Variants in FRRS1 observed in about 807,000 individuals in gnomAD.
FRRS1 encodes ferric chelate reductase 1.
A neutral mutation model predicts 70.7 loss-of-function variants in FRRS1; 51 were observed. The ratio of observed to expected loss-of-function variants is 0.72; its 90% CI spans 0.58 to 0.91. The LOEUF is 0.91. Ranked by LOEUF, FRRS1 falls within the 40% of genes least tolerant of loss-of-function variation. The pLI, the probability that FRRS1 is intolerant of heterozygous loss-of-function variation, is 0.00. For missense variants in FRRS1, 672 were observed against 726.0 expected (o/e 0.93, Z 0.86); for synonymous variants, 225 against 238.7 (o/e 0.94, Z 0.53).
intron 1 of FRRS1, among the ~76,000 whole-genome samples, chr1:99,756,640 T>C (rs1357131782): frequency 6.6e-6 from 1 of 151,854 alleles, no homozygotes; most frequent in Admixed American, 6.6e-5. Context: ...GAAAAAGGAG[T>C]ATGTGTTAAC....
chr1:99,725,745 T>A (rs149348698), intron 9 of FRRS1, among the ~76,000 whole-genome samples: 106 of 152,316 alleles, frequency 7.0e-4, no homozygotes, highest in African/African-American at 2.4e-3. Context: ...GTGTTAGAAC[T>A]ATCACTTAAA....
intron 1 of FRRS1, among the ~76,000 whole-genome samples, chr1:99,759,743 G>A (rs1657026045): frequency 6.6e-6 from 1 of 152,124 alleles, no homozygotes; most frequent in Non-Finnish European, 1.5e-5. Context: ...GAAAAGAAAT[G>A]AACACTCAGT....
intron 1 of FRRS1, among the ~76,000 whole-genome samples, chr1:99,766,177 T>C (rs1657343767): frequency 1.3e-5 from 2 of 151,788 alleles, no homozygotes; most frequent in Admixed American, 6.6e-5. Context: ...AAGTTCTAGA[T>C]AAAAAGCCAC....
At chr1:99,727,049 C>T (rs1233872705) in intron 9 of FRRS1, among the ~76,000 whole-genome samples, 2 of 152,198 alleles carry the variant, frequency 1.3e-5, no homozygotes, top group African/African-American at 4.8e-5. Context: ...AATACACAGG[C>T]TCTAAAGGCC....
chr1:99,719,610 G>A lies in FRRS1; in HGVS notation c.1044C>T (p.Thr348=). ...AGTCTGTCACATCATATTTTTCATA[G>A]GTAATCAAAGGTTGCTGAGAGTGCT... is the stretch of plus-strand genomic sequence containing the variant. ...IYKHSQQPLI[T]YEKYDVTDSP... is the part of the protein sequence containing the mutation. The change falls in exon 10 of 17, where the codon ACC becomes ACT. Residue 348 remains threonine (T), a synonymous_variant. Transcript: ENST00000646001. 1 of 1,610,196 alleles carries A rather than the reference G, an allele frequency of 6.2e-7. No homozygotes were observed. Among genetic ancestry groups the A allele is most frequent in the Non-Finnish European group, 8.5e-7 (1 of 1,176,958 alleles).
chr1:99,747,778 A>T (rs1243986111), intron 3 of FRRS1: 1 of 165,160 alleles, frequency 6.1e-6, no homozygotes, highest in African/African-American at 2.4e-5. Flanking sequence ...CTGTACACCA[A>T]ACCCTCGTGA....
chr1:99,712,377 T>C, intron 13 of FRRS1, 41 bp downstream of exon 13: 2 of 1,348,528 alleles, frequency 1.5e-6, no homozygotes, highest in Non-Finnish European at 2.1e-6. Context: ...ACTAATGATA[T>C]CTACATTAAG....
chr1:99,721,418 G>A (rs1571106230), intron 9 of FRRS1, among the ~76,000 whole-genome samples: 1 of 150,662 alleles, frequency 6.6e-6, no homozygotes, highest in South Asian at 2.1e-4. Context: ...AAATTTAAAG[G>A]GTGACATAGC....
Position 99,729,667 on chromosome 1 carries a change from G to A in FRRS1, c.841C>T (p.Pro281Ser). 1.2e-6 allele frequency: 2 copies of A among 1,611,308 alleles called. No individual in the cohort carries two copies. Among genetic ancestry groups the A allele is most frequent in the East Asian group, 4.5e-5 (2 of 44,860 alleles). The change falls in exon 8 of 17, where the codon CCT becomes TCT. Residue 281 changes from proline to serine, a missense_variant. Pro to Ser is a moderately conservative substitution (Grantham distance 74, BLOSUM62 -1). Coordinates refer to ENST00000646001, the MANE Select transcript of FRRS1 (RefSeq NM_001361041.2). ...QPSHLTGRSH[P>S]VMDSRDTLED... ...ACACCTACCCTGGAGTCCATTACAG[G>A]GTGACTTCGCCCCGTTAAATGGGAA... is the stretch of plus-strand genomic sequence containing the variant.
chr1:99,741,113 A>G (rs899942831), intron 5 of FRRS1, among the ~76,000 whole-genome samples, 173 bp from the exon 6 acceptor site: 20 of 152,210 alleles, frequency 1.3e-4, no homozygotes, highest in African/African-American at 4.3e-4. Flanking sequence ...CCACCCGATC[A>G]CTTGACAAAT....
In FRRS1 at chr1:99,709,252, T is replaced by C. The variant is rs763353092; in HGVS notation, c.1632A>G (p.Ile544Met). ...HAYRLSRKVE[I>M]LDDDRIQILQ... ...GGATCTGAATTCTGTCATCATCCAA[T>C]ATTTCAACTGTCAAGAATAATAACA... Residue 544 changes from isoleucine to methionine, a missense_variant, in exon 16 of 17, where the codon ATA becomes ATG. By Grantham distance (10) the Ile-to-Met change is conservative. Transcript: ENST00000646001. The C allele has an allele frequency of 5.6e-6, 9 of 1,602,600 alleles. No homozygotes were observed. In the Admixed American group the frequency reaches 6.7e-5, roughly 12 times the overall value.
At chr1:99,757,759 T>A (rs1656907566) in intron 1 of FRRS1, among the ~76,000 whole-genome samples, 1 of 152,210 alleles carries the variant, frequency 6.6e-6, no homozygotes, top group African/African-American at 2.4e-5. Context: ...TACAATGGCA[T>A]TATTTTCTTT....
intron 12 of FRRS1, among the ~76,000 whole-genome samples, chr1:99,713,268 G>A (rs998469089): frequency 5.3e-5 from 8 of 152,180 alleles, no homozygotes; most frequent in African/African-American, 1.9e-4. Context: ...ATAAGTCATG[G>A]TGCCAGGATT....
intron 15 of FRRS1, among the ~76,000 whole-genome samples, 196 bp downstream of exon 15, chr1:99,710,610 T>C (rs1208632993): frequency 2.0e-5 from 3 of 152,212 alleles, no homozygotes; most frequent in Non-Finnish European, 4.4e-5. Flanking sequence ...CCTTTATATC[T>C]TATTCACAAC....
intron 4 of FRRS1, among the ~76,000 whole-genome samples, chr1:99,746,717 T>A (rs1656288755): frequency 6.6e-6 from 1 of 152,226 alleles, no homozygotes; most frequent in African/African-American, 2.4e-5. Flanking sequence ...TATTCAACAA[T>A]GCTTTTGCCT....
At chr1:99,727,014 C>A (rs1276372288) in intron 9 of FRRS1, among the ~76,000 whole-genome samples, 1 of 152,148 alleles carries the variant, frequency 6.6e-6, no homozygotes, top group Admixed American at 6.5e-5. Context: ...TGCACCCAGT[C>A]CATTTCCCAT....
chr1:99,744,969 C>CAAAAAAAAAAAAAAAAAAAAAA (rs71075450), intron 4 of FRRS1, among the ~76,000 whole-genome samples: 1 of 91,744 alleles, frequency 1.1e-5, no homozygotes, highest in East Asian at 3.4e-4. Context: ...GACTCCGTCT[C>CAAAAAAAAAAAAAAAAAAAAAA]AAAAAAAAAA....
At chr1:99,712,568 T>C in intron 12 of FRRS1, 53 bp from the exon 13 acceptor site, 1 of 1,003,154 alleles carries the variant, frequency 1.0e-6, no homozygotes, top group Non-Finnish European at 1.5e-6. Context: ...TCAATTTAAA[T>C]CCTCAAGTTA....
chr1:99,717,642 T>C, intron 10 of FRRS1, 117 bp from the exon 11 acceptor site: 1 of 691,080 alleles, frequency 1.4e-6, no homozygotes, highest in Admixed American at 2.4e-5. Flanking sequence ...TCAGCTGACA[T>C]AAGTACAACC....
Sources: gnomAD v4.1 joint callset for allele counts (sites outside exome capture counted in the v4.1 genomes callset) on GRCh38, gnomAD v4.1.1 for gene constraint, MANE v1.5 for transcripts, NCBI Gene and HGNC (gene_info 2026-07-23, HGNC 2026-07-21) for gene names.